Variants in ANKRD62 observed in about 807,000 individuals in gnomAD.
ANKRD62 encodes ankyrin repeat domain-containing protein 62.
Under a neutral mutation model 98.8 loss-of-function variants are expected in ANKRD62, and 61 were observed. The ratio of observed to expected loss-of-function variants is 0.62; its 90% CI spans 0.50 to 0.76. The LOEUF (loss-of-function observed/expected upper bound fraction) is 0.76. ANKRD62 is among the 30% of genes least tolerant of loss of function. The pLI is 0.00. For missense variants in ANKRD62, 933 were observed against 1,082.9 expected (o/e 0.86, Z 1.94); for synonymous variants, 341 against 367.9 (o/e 0.93, Z 0.84).
chr18:12,138,950 A>G, the ANKRD62 span, among the ~76,000 whole-genome samples: 1 of 152,026 alleles, frequency 6.6e-6, no homozygotes, highest in African/African-American at 2.4e-5. Context: ...TGCACGTGAG[A>G]TGGGTTTCCT....
chr18:12,145,958 G>A, the ANKRD62 span, among the ~76,000 whole-genome samples: 6 of 149,240 alleles, frequency 4.0e-5, no homozygotes, highest in African/African-American at 7.4e-5. Context: ...CCAGCCACCC[G>A]CACCAGTGTT....
Position 12,094,085 on chromosome 18 carries a change from A to C in ANKRD62, c.68A>C (p.Asp23Ala). 3.9e-6 allele frequency: 6 copies of C among 1,534,988 alleles called. No individual in the cohort carries two copies. Among genetic ancestry groups the C allele is most frequent in the Non-Finnish European group, 5.2e-6 (6 of 1,146,712 alleles). The change falls in exon 1 of 14, where the codon GAC becomes GCC. Residue 23 changes from aspartate to alanine, a missense_variant. Asp to Ala is a moderately radical substitution (Grantham distance 126, BLOSUM62 -2). Around this residue, in one of 3 missense-constraint regions of ANKRD62, gnomAD observed 549 missense variants for 587.9 expected, o/e 0.93. Coordinates refer to ENST00000587848, the MANE Select transcript of ANKRD62 (RefSeq NM_001277333.2). The part of the protein sequence containing the change: ...RRMATWRKNR[D>A]KDGFSNPGYR... Reference sequence around the variant, plus strand: ...ATGGCTACCTGGAGGAAGAATCGTGACAAGGATGGCTTCTCAAATCCCGGG... The same window carrying C: ...ATGGCTACCTGGAGGAAGAATCGTGCCAAGGATGGCTTCTCAAATCCCGGG...
intron 10 of ANKRD62, among the ~76,000 whole-genome samples, chr18:12,118,608 TAA>T (rs34897974): frequency 0.25 from 35,039 of 141,014 alleles, 4,499 homozygotes; most frequent in Middle Eastern, 0.32. Flanking sequence ...GGCTCTGTCT[TAA>T]AAAAAAAAAA....
chr18:12,165,912 G>A, the ANKRD62 span, among the ~76,000 whole-genome samples: 3 of 152,024 alleles, frequency 2.0e-5, no homozygotes, highest in Non-Finnish European at 4.4e-5. Context: ...CTATTCTAGA[G>A]TAAAAGTTGT....
intron 11 of ANKRD62, among the ~76,000 whole-genome samples, chr18:12,123,285 C>T (rs4343347): frequency 0.31 from 47,405 of 151,766 alleles, 8,109 homozygotes; most frequent in Middle Eastern, 0.4. Flanking sequence ...AACTCCTGAC[C>T]GCAAGTTATC....
chr18:12,104,137 T>A (rs890768122), intron 7 of ANKRD62, among the ~76,000 whole-genome samples: 1 of 152,060 alleles, frequency 6.6e-6, no homozygotes, highest in Non-Finnish European at 1.5e-5. Flanking sequence ...CTAAAAATGA[T>A]CTCTTATTTT....
At chr18:12,157,966 G>T in the ANKRD62 span, among the ~76,000 whole-genome samples, 1 of 152,322 alleles carries the variant, frequency 6.6e-6, no homozygotes, top group Non-Finnish European at 1.5e-5. Flanking sequence ...CAAAAGCAGG[G>T]AGGCTGTATT....
In ANKRD62 at chr18:12,128,167, T is replaced by G. The variant is rs1909932421; in HGVS notation, c.*228T>G. The G allele has an allele frequency of 4.1e-6, 1 of 245,432 alleles. No individual in the cohort carries two copies. Among genetic ancestry groups the G allele is most frequent in the Non-Finnish European group, 7.6e-6 (1 of 132,304 alleles). The allele number at this position is 245,432 out of a possible 1,614,324, so 15.2% of individuals were successfully genotyped here. A position where few individuals can be genotyped will look rare whatever the true frequency, so the allele number is the denominator to read the frequency against. Reference sequence around the variant, plus strand: ...CAGAAGATTAGAGAATTCTTTTTTCTTTTTACAGTATATTTTTAGTGATTT... The same window carrying G: ...CAGAAGATTAGAGAATTCTTTTTTCGTTTTACAGTATATTTTTAGTGATTT... On this transcript the variant is annotated 3_prime_UTR_variant, in exon 14 of 14. Coordinates refer to ENST00000587848, the MANE Select transcript of ANKRD62 (RefSeq NM_001277333.2).
downstream of ANKRD62, among the ~76,000 whole-genome samples, chr18:12,129,903 C>T (rs1909976598): frequency 6.6e-6 from 1 of 152,124 alleles, no homozygotes; most frequent in Admixed American, 6.5e-5. Flanking sequence ...GTTATTTCCA[C>T]ACCTAAAGGT....
rs1909633645 is a variant in ANKRD62 at position 12,115,120 on chromosome 18, A to T, written c.1097A>T (p.Lys366Met). 1 of 1,404,662 alleles carries T rather than the reference A, an allele frequency of 7.1e-7. No individual in the cohort carries two copies. Among genetic ancestry groups the T allele is most frequent in the Non-Finnish European group, 9.2e-7 (1 of 1,086,632 alleles). 87.0% of individuals were successfully genotyped at this position (1,404,662 alleles called of 1,614,324 possible). A position where few individuals can be genotyped will look rare whatever the true frequency, so the allele number is the denominator to read the frequency against. The change falls in exon 9 of 14, where the codon AAG becomes ATG. Residue 366 changes from lysine to methionine, a missense_variant and splice_region_variant. Physicochemically the swap from Lys to Met is moderately conservative, Grantham distance 95 (BLOSUM62 -1). Around this residue, in one of 3 missense-constraint regions of ANKRD62, gnomAD observed 549 missense variants for 587.9 expected, o/e 0.93. Transcript: ENST00000587848. ...AGGAAAACCTCTAATGAAAAGAGCA[A>T]GGTATTATAAAAGTAAATTGTCAAG... ...LARKTSNEKS[K>M]VKSQIYFTDD...
chr18:12,097,533 G>A (rs1330745661), intron 4 of ANKRD62, 107 bp from the exon 5 acceptor site: 4 of 1,226,838 alleles, frequency 3.3e-6, no homozygotes, highest in East Asian at 2.6e-5. Context: ...CATGTAATTG[G>A]TTAATTCTAC....
chr18:12,145,334 G>A, the ANKRD62 span, among the ~76,000 whole-genome samples: 1 of 152,196 alleles, frequency 6.6e-6, no homozygotes, highest in African/African-American at 2.4e-5. Flanking sequence ...CAATGGCTAA[G>A]CTGCCCAAAC....
intron 6 of ANKRD62, among the ~76,000 whole-genome samples, chr18:12,101,301 CA>C (rs1289216004): frequency 6.6e-6 from 1 of 152,238 alleles, no homozygotes; most frequent in East Asian, 1.9e-4. Flanking sequence ...TATTCATGGA[CA>C]GATTGTTTCA....
chr18:12,097,170 C>G (rs550737723), intron 4 of ANKRD62, among the ~76,000 whole-genome samples: 1 of 152,144 alleles, frequency 6.6e-6, no homozygotes, highest in Admixed American at 6.5e-5. Flanking sequence ...TAATCCAGTG[C>G]CTCGCATATG....
intron 8 of ANKRD62, among the ~76,000 whole-genome samples, chr18:12,108,265 G>A (rs185700106): frequency 1.1e-4 from 17 of 152,312 alleles, no homozygotes; most frequent in Admixed American, 6.5e-4. Flanking sequence ...AACAAAAGAA[G>A]TTTAATTGAC....
chr18:12,124,606 C>A (rs1355347991), intron 12 of ANKRD62, among the ~76,000 whole-genome samples: 1 of 151,906 alleles, frequency 6.6e-6, no homozygotes, highest in Non-Finnish European at 1.5e-5. Context: ...GTAGTTTTCC[C>A]TATTTTGCAT....
At chr18:12,170,546 C>T in the ANKRD62 span, among the ~76,000 whole-genome samples, 1 of 152,148 alleles carries the variant, frequency 6.6e-6, no homozygotes, top group Non-Finnish European at 1.5e-5. Context: ...TGTTTTACTT[C>T]CAACTATGTG....
chr18:12,116,176 G>C (rs931338803), intron 10 of ANKRD62, among the ~76,000 whole-genome samples: 4 of 152,300 alleles, frequency 2.6e-5, no homozygotes, highest in East Asian at 1.9e-4. Flanking sequence ...GTGTGAAAGT[G>C]TCACCATAAT....
At chr18:12,138,667 A>T in the ANKRD62 span, among the ~76,000 whole-genome samples, 2 of 152,064 alleles carry the variant, frequency 1.3e-5, no homozygotes, top group Non-Finnish European at 2.9e-5. Context: ...CCTATTATTA[A>T]TGTGTGGGAG....
Sources: gnomAD v4.1 joint callset for allele counts (sites outside exome capture counted in the v4.1 genomes callset) on GRCh38, gnomAD v4.1.1 for gene constraint, gnomAD v4.1.1 regional missense constraint, MANE v1.5 for transcripts, NCBI Gene and HGNC (gene_info 2026-07-23, HGNC 2026-07-21) for gene names.